The following SUGCT variants were observed in gnomAD, a reference collection of about 807,000 sequenced individuals.
SUGCT encodes succinyl-CoA:glutarate CoA-transferase.
SUGCT carries 41 observed loss-of-function variants against 55.0 expected under a neutral mutation model. That is an observed-to-expected ratio of 0.74 (90% CI 0.58 to 0.97). SUGCT has a LOEUF of 0.97. Ranked by LOEUF, SUGCT falls within the 50% of genes least tolerant of loss-of-function variation. SUGCT has a pLI of 0.00. For synonymous variants in SUGCT, 187 were observed against 200.4 expected (o/e 0.93, Z 0.56); for missense variants, 568 against 547.8 (o/e 1.04, Z -0.37).
intron 12 of SUGCT, among the ~76,000 whole-genome samples, chr7:40,559,088 T>C (rs1406937433): frequency 1.3e-5 from 2 of 152,218 alleles, no homozygotes; most frequent in Non-Finnish European, 2.9e-5. Context: ...GTGAGTCCAG[T>C]TTAATTATTG....
intron 12 of SUGCT, among the ~76,000 whole-genome samples, chr7:40,644,809 C>A (rs184014760): frequency 1.6e-3 from 243 of 152,284 alleles, no homozygotes; most frequent in African/African-American, 5.6e-3. Flanking sequence ...CTTGCCGTCA[C>A]CGAAACTTGC....
chr7:40,446,361 G>T (rs1788836566), intron 9 of SUGCT, among the ~76,000 whole-genome samples: 1 of 151,962 alleles, frequency 6.6e-6, no homozygotes. Flanking sequence ...CCACAAAAAA[G>T]CAAGCAAACA....
At chr7:40,145,029 A>G (rs1788172400) in intron 1 of SUGCT, among the ~76,000 whole-genome samples, 1 of 152,200 alleles carries the variant, frequency 6.6e-6, no homozygotes, top group South Asian at 2.1e-4. Context: ...GTGCTTTAAG[A>G]AAAACCTGTT....
At chr7:40,462,796 G>C (rs1362966957) in intron 11 of SUGCT, among the ~76,000 whole-genome samples, 1 of 152,100 alleles carries the variant, frequency 6.6e-6, no homozygotes, top group South Asian at 2.1e-4. Context: ...CTTTCTAGAA[G>C]ACATACTTCT....
chr7:40,801,803 T>C (rs1174069253), intron 13 of SUGCT, among the ~76,000 whole-genome samples: 1 of 152,000 alleles, frequency 6.6e-6, no homozygotes, highest in African/African-American at 2.4e-5. Context: ...ATGTAATATA[T>C]GGTTTATCAC....
At chr7:40,865,216 G>C (rs570481030), downstream of SUGCT, among the ~76,000 whole-genome samples, 2 of 149,912 alleles carry the variant, frequency 1.3e-5, no homozygotes, top group South Asian at 4.2e-4. Flanking sequence ...ACACAGACAC[G>C]CACACAGAGT....
intron 12 of SUGCT, among the ~76,000 whole-genome samples, chr7:40,608,062 G>A (rs1798609713): frequency 2.0e-5 from 3 of 152,134 alleles, no homozygotes; most frequent in African/African-American, 4.8e-5. Flanking sequence ...ACCCTGAAAC[G>A]TCTTCCTAAT....
At chr7:40,582,353 G>C (rs1797146843) in intron 12 of SUGCT, among the ~76,000 whole-genome samples, 1 of 152,096 alleles carries the variant, frequency 6.6e-6, no homozygotes, top group Non-Finnish European at 1.5e-5. Flanking sequence ...TGGTTTTAGT[G>C]TCTCTCAACA....
chr7:40,496,468 C>G (rs1791982399), intron 12 of SUGCT, 82 bp downstream of exon 12: 1 of 919,360 alleles, frequency 1.1e-6, no homozygotes, highest in Non-Finnish European at 1.7e-6. Flanking sequence ...TGATCGCAAG[C>G]TTAAGTCACA....
chr7:40,628,897 C>T (rs1338442583), intron 12 of SUGCT, among the ~76,000 whole-genome samples: 4 of 152,072 alleles, frequency 2.6e-5, no homozygotes, highest in African/African-American at 9.7e-5. Context: ...TGCACCACCA[C>T]ACCCAGCTAA....
At chr7:40,929,214 G>A in the SUGCT span, among the ~76,000 whole-genome samples, 1 of 152,078 alleles carries the variant, frequency 6.6e-6, no homozygotes, top group Non-Finnish European at 1.5e-5. Flanking sequence ...GAGAATGATG[G>A]TTTCCAGCTT....
At chr7:41,017,442 G>T in the SUGCT span, among the ~76,000 whole-genome samples, 308 of 152,294 alleles carry the variant, frequency 2.0e-3, no homozygotes, top group African/African-American at 6.6e-3. Flanking sequence ...GGATATCAAA[G>T]AAACAAGACT....
chr7:40,887,112 C>T, the SUGCT span, among the ~76,000 whole-genome samples: 1 of 152,140 alleles, frequency 6.6e-6, no homozygotes, highest in Admixed American at 6.6e-5. Flanking sequence ...ACCAGTATAA[C>T]CAGTGGCTGG....
chr7:40,598,556 T>A lies in SUGCT; in HGVS notation c.1089+102170T>A, dbSNP rs146901228. Among the ~76,000 whole-genome samples, 445 of 152,234 alleles carry A rather than the reference T, an allele frequency of 2.9e-3. 3 individuals carry two copies. The highest frequency in any genetic ancestry group is 9.9e-3 in the African/African-American group (410 of 41,538). On this transcript the variant is annotated intron_variant, in intron 12 of 13. Transcript: ENST00000335693. ...TCCTAGCAGAGAACTAGAGAAAGGG[T>A]CACTGCAAGAAGAGGGACTGTTCAC... is the stretch of plus-strand genomic sequence containing the variant.
chr7:40,143,093 G>A (rs1277194344), intron 1 of SUGCT, among the ~76,000 whole-genome samples: 2 of 152,106 alleles, frequency 1.3e-5, no homozygotes, highest in African/African-American at 4.8e-5. Flanking sequence ...GCTTTATGAC[G>A]TCTGGTTTTT....
At chr7:40,902,063 G>A in the SUGCT span, among the ~76,000 whole-genome samples, 4 of 152,126 alleles carry the variant, frequency 2.6e-5, no homozygotes, top group African/African-American at 9.7e-5. Flanking sequence ...GAGCACGTGA[G>A]CTCACCTTCA....
At chr7:40,992,885 G>A in the SUGCT span, among the ~76,000 whole-genome samples, 89 of 152,282 alleles carry the variant, frequency 5.8e-4, no homozygotes, top group Admixed American at 2.4e-3. Flanking sequence ...GTGTTGTGAG[G>A]CTTGAGCATT....
intron 9 of SUGCT, chr7:40,388,068 C>T (rs1006293282): frequency 1.3e-5 from 2 of 152,236 alleles, no homozygotes; most frequent in Non-Finnish European, 1.5e-5. Context: ...CTGAATTTGT[C>T]GCTTACATGT....
chr7:40,627,087 G>A (rs1435535326), intron 12 of SUGCT, among the ~76,000 whole-genome samples: 2 of 152,322 alleles, frequency 1.3e-5, no homozygotes, highest in East Asian at 3.9e-4. Flanking sequence ...TTTTGGTGAA[G>A]ATTGAAAGGC....
Sources: gnomAD v4.1 joint callset for allele counts (sites outside exome capture counted in the v4.1 genomes callset) on GRCh38, gnomAD v4.1.1 for gene constraint, MANE v1.5 for transcripts, NCBI Gene and HGNC (gene_info 2026-07-23, HGNC 2026-07-21) for gene names.